Variants in COX16 observed in about 807,000 individuals in gnomAD.
COX16 encodes cytochrome c oxidase assembly factor COX16, also known as cytochrome c oxidase assembly protein COX16 homolog, mitochondrial.
In COX16, 12 loss-of-function variants were observed where a neutral mutation model predicts 15.4. That is an observed-to-expected ratio of 0.78 (90% CI 0.50 to 1.26). COX16 has a LOEUF of 1.26. Ranked by LOEUF, COX16 falls within the 50% of genes most tolerant of loss-of-function variation. The probability of loss-of-function intolerance (pLI) is 0.00; values close to 1 mark genes in which losing one functional copy is unlikely to be tolerated. For synonymous variants in COX16, 46 were observed against 41.1 expected (o/e 1.12, Z -0.46); for missense variants, 124 against 127.6 (o/e 0.97, Z 0.14).
chr14:70,342,861 G>A, intron 1 of COX16, 132 bp from the exon 2 acceptor site: 1 of 897,946 alleles, frequency 1.1e-6, no homozygotes, highest in Non-Finnish European at 1.7e-6. Context: ...TTTTCCTGGT[G>A]AGTCACCATT....
intron 2 of COX16, among the ~76,000 whole-genome samples, chr14:70,329,662 T>C (rs1214265384): frequency 7.5e-6 from 1 of 133,772 alleles, no homozygotes; most frequent in Non-Finnish European, 1.6e-5. Context: ...AATACTAATA[T>C]AATGCTGCAC....
At chr14:70,333,478 GCAAA>G (rs1198593224) in intron 2 of COX16, among the ~76,000 whole-genome samples, 1 of 152,116 alleles carries the variant, frequency 6.6e-6, no homozygotes, top group Non-Finnish European at 1.5e-5. Flanking sequence ...GAAGAATTCA[GCAAA>G]CAGATGAAAG....
At chr14:70,344,313 C>A (rs1251493050) in intron 1 of COX16, among the ~76,000 whole-genome samples, 6 of 152,186 alleles carry the variant, frequency 3.9e-5, no homozygotes, top group African/African-American at 1.4e-4. Context: ...AGAAGGGAGT[C>A]TTTTTGGGAA....
intron 1 of COX16, among the ~76,000 whole-genome samples, chr14:70,347,612 G>A (rs1430717489): frequency 1.3e-5 from 2 of 152,096 alleles, no homozygotes; most frequent in Non-Finnish European, 2.9e-5. Flanking sequence ...ATCTGCTCCT[G>A]TGTAGCCCCT....
chr14:70,347,563 T>C (rs1320945504), intron 1 of COX16, among the ~76,000 whole-genome samples: 3 of 152,124 alleles, frequency 2.0e-5, no homozygotes, highest in Non-Finnish European at 4.4e-5. Flanking sequence ...CTCTGTACCT[T>C]ATCCCTAAAA....
chr14:70,352,939 A>T (rs1010912417), intron 1 of COX16, among the ~76,000 whole-genome samples: 7 of 152,164 alleles, frequency 4.6e-5, no homozygotes, highest in Non-Finnish European at 1.0e-4. Context: ...TGGTAACCTT[A>T]AAAGATCCCC....
At chr14:70,352,055 G>A (rs971698522) in intron 1 of COX16, among the ~76,000 whole-genome samples, 23 of 151,740 alleles carry the variant, frequency 1.5e-4, no homozygotes, top group Non-Finnish European at 5.9e-5. Context: ...TGGGAAGTGT[G>A]GTAAATTTCA....
intron 2 of COX16, among the ~76,000 whole-genome samples, chr14:70,341,886 T>C (rs9323536): frequency 0.19 from 29,321 of 152,152 alleles, 3,661 homozygotes; most frequent in East Asian, 0.62. Flanking sequence ...TATGAACTAA[T>C]ATAGTCCTAC....
At chr14:70,359,449 C>A in intron 1 of COX16, 70 bp downstream of exon 1, 1 of 1,381,318 alleles carries the variant, frequency 7.2e-7, no homozygotes, top group South Asian at 1.2e-5. Flanking sequence ...TACAGATTCC[C>A]TCCCAGGTCT....
chr14:70,358,267 G>C (rs1440977612), intron 1 of COX16, among the ~76,000 whole-genome samples: 2 of 152,010 alleles, frequency 1.3e-5, no homozygotes, highest in East Asian at 3.9e-4. Context: ...GCTTTTTTGG[G>C]GGCAATGAAA....
chr14:70,356,683 G>A (rs981502514), intron 1 of COX16, among the ~76,000 whole-genome samples: 1 of 152,086 alleles, frequency 6.6e-6, no homozygotes, highest in African/African-American at 2.4e-5. Flanking sequence ...TCTCGCCAAA[G>A]ACATAGAAGA....
At chr14:70,348,461 C>T (rs989522048) in intron 1 of COX16, among the ~76,000 whole-genome samples, 1 of 152,144 alleles carries the variant, frequency 6.6e-6, no homozygotes, top group Admixed American at 6.5e-5. Context: ...TACACCTTTT[C>T]CAAACCTAAC....
In COX16 at chr14:70,326,460, A is replaced by C. The variant is rs747686960; in HGVS notation, c.205-11T>G. 25 of 1,563,336 alleles carry C rather than the reference A, an allele frequency of 1.6e-5. No homozygotes were observed. Among genetic ancestry groups the C allele is most frequent in the South Asian group, 3.7e-5 (3 of 81,960 alleles). ...GGAGTCTTTGATTTTCTATAGAACCACAAAAAATTAAAGTATAAATATTAG... is the reference window on the plus strand; with the variant it reads ...GGAGTCTTTGATTTTCTATAGAACCCCAAAAAATTAAAGTATAAATATTAG... On this transcript the variant is annotated splice_polypyrimidine_tract_variant and intron_variant, in intron 3 of 3. Transcript: ENST00000389912.
intron 1 of COX16, among the ~76,000 whole-genome samples, chr14:70,346,961 C>G (rs767656087): frequency 2.0e-5 from 3 of 152,144 alleles, no homozygotes; most frequent in Admixed American, 6.5e-5. Flanking sequence ...ATCTAACTTT[C>G]TTCTACTCCT....
At chr14:70,358,634 A>G (rs1021101180) in intron 1 of COX16, among the ~76,000 whole-genome samples, 5 of 152,222 alleles carry the variant, frequency 3.3e-5, no homozygotes. Context: ...CTTAAATGGA[A>G]AAGCTGGTAA....
intron 2 of COX16, among the ~76,000 whole-genome samples, chr14:70,332,577 C>A (rs1886323773): frequency 6.6e-6 from 1 of 152,186 alleles, no homozygotes; most frequent in Non-Finnish European, 1.5e-5. Context: ...GAAATGCACA[C>A]CCACCTGAGC....
At chr14:70,355,586 C>T (rs540473089) in intron 1 of COX16, among the ~76,000 whole-genome samples, 2 of 152,188 alleles carry the variant, frequency 1.3e-5, no homozygotes, top group Admixed American at 6.5e-5. Context: ...AAAGGGAGCC[C>T]AAAATATTAT....
chr14:70,347,639 C>G (rs946433543), intron 1 of COX16, among the ~76,000 whole-genome samples: 1 of 152,122 alleles, frequency 6.6e-6, no homozygotes, highest in Non-Finnish European at 1.5e-5. Flanking sequence ...GAGACTGCAA[C>G]GCCCATGCTA....
At chr14:70,342,635 C>A in intron 2 of COX16, 23 bp downstream of exon 2, 2 of 1,605,978 alleles carry the variant, frequency 1.2e-6, no homozygotes, top group South Asian at 2.3e-5. Context: ...AGACACATGT[C>A]AAACTCTAAT....
Sources: allele counts gnomAD v4.1 joint callset (sites outside exome capture counted in the v4.1 genomes callset), GRCh38; gene constraint gnomAD v4.1.1; transcripts MANE v1.5; gene names NCBI Gene and HGNC (gene_info 2026-07-23, HGNC 2026-07-21).